PRPS2: variants seen among roughly 807,000 people sequenced by gnomAD.
PRPS2 encodes the protein ribose-phosphate pyrophosphokinase 2.
For missense variants in PRPS2, 104 were observed against 271.5 expected (o/e 0.38, Z 4.34); for synonymous variants, 111 against 115.3 (o/e 0.96, Z 0.24).
rs773079000 is a variant in PRPS2, at chrX:12,820,731, C to T, written c.792C>T (p.Ala264=). 6.6e-6 allele frequency: 8 copies of T among 1,209,471 alleles called. No homozygotes were observed. Among genetic ancestry groups the T allele is most frequent in the Non-Finnish European group, 8.9e-6 (8 of 895,135 alleles). Residue 264 remains alanine, a synonymous_variant, in exon 6 of 7, where the codon GCC becomes GCT. Transcript: ENST00000380668. ...SGPAISRINN[A]AFEAVVVTNT... Reference sequence around the variant, plus strand: ...CAGCTATTTCCAGAATAAATAATGCCGCCTTTGAGGCTGTTGTCGTCACAA... The same window carrying T: ...CAGCTATTTCCAGAATAAATAATGCTGCCTTTGAGGCTGTTGTCGTCACAA...
intron 4 of PRPS2, among the ~76,000 whole-genome samples, chrX:12,818,366 C>CAAAAAAAAAAA: frequency 1.6e-5 from 1 of 62,908 alleles, no homozygotes; most frequent in Non-Finnish European, 3.0e-5. Context: ...GAAACTGTCT[C>CAAAAAAAAAAA]AAAAAAAAAA....
At chrX:12,816,139 G>A (rs937996010) in intron 4 of PRPS2, among the ~76,000 whole-genome samples, 1 of 111,747 alleles carries the variant, frequency 8.9e-6, no homozygotes, top group African/African-American at 3.3e-5. Flanking sequence ...AGTGTTCTAA[G>A]GGTAGGAGAA....
chrX:12,822,331 C>T (rs1014987966), intron 6 of PRPS2, among the ~76,000 whole-genome samples: 1 of 112,336 alleles, frequency 8.9e-6, no homozygotes, highest in Non-Finnish European at 1.9e-5. Flanking sequence ...CACAGTTGTG[C>T]TCTTAAATGA....
At position 12,791,850 on chromosome X, in the gene PRPS2, C is replaced by G. The variant is rs1177256902; in HGVS notation, c.122+231C>G. Among the ~76,000 whole-genome samples, 4 of 112,359 alleles carry G rather than the reference C, an allele frequency of 3.6e-5. No homozygotes were observed. In the East Asian group the frequency reaches 8.5e-4, roughly 24 times the overall value. On this transcript the variant is annotated intron_variant, in intron 1 of 6. Coordinates refer to ENST00000380668, the MANE Select transcript of PRPS2 (RefSeq NM_002765.5). ...CTCGGCTGTGCCCCCGGTTGCAGGG[C>G]CTCCGGTCCTGGGACCGCGGCGACC... is the stretch of plus-strand genomic sequence containing the variant.
At chrX:12,809,602 T>C (rs915158332) in intron 3 of PRPS2, among the ~76,000 whole-genome samples, 1 of 112,191 alleles carries the variant, frequency 8.9e-6, no homozygotes, top group African/African-American at 3.2e-5. Context: ...ACGGCAGTCA[T>C]AATGTACACT....
chrX:12,804,678 G>A (rs1490095125), intron 2 of PRPS2, among the ~76,000 whole-genome samples: 4 of 111,172 alleles, frequency 3.6e-5, no homozygotes, highest in Admixed American at 1.9e-4. Flanking sequence ...AAGCATGATT[G>A]GGGTGGGGGG....
At chrX:12,810,612 G>A (rs1279887479) in intron 4 of PRPS2, among the ~76,000 whole-genome samples, 1 of 111,392 alleles carries the variant, frequency 9.0e-6, no homozygotes, top group African/African-American at 3.3e-5. Context: ...CCATGTCCAG[G>A]TGGCTTGGGG....
intron 4 of PRPS2, among the ~76,000 whole-genome samples, chrX:12,816,092 T>C (rs949516610): frequency 8.9e-6 from 1 of 111,882 alleles, no homozygotes; most frequent in Non-Finnish European, 1.9e-5. Context: ...GTGGTTTTGG[T>C]TGCATCCTGA....
chrX:12,810,862 A>G (rs986506297), intron 4 of PRPS2, among the ~76,000 whole-genome samples: 8 of 109,950 alleles, frequency 7.3e-5, no homozygotes, highest in Non-Finnish European at 1.1e-4. Flanking sequence ...AAAAAAAAAA[A>G]AAGAAGAAGA....
chrX:12,820,243 A>G (rs1172953300), intron 5 of PRPS2, among the ~76,000 whole-genome samples: 1 of 112,488 alleles, frequency 8.9e-6, no homozygotes, highest in African/African-American at 3.2e-5. Flanking sequence ...ATGTTTGGCT[A>G]TATTGGTTTA....
intron 2 of PRPS2, among the ~76,000 whole-genome samples, chrX:12,800,656 C>T (rs1292888829): frequency 9.0e-5 from 10 of 111,682 alleles, no homozygotes; most frequent in Admixed American, 8.6e-4. Context: ...AAAGGTTTTC[C>T]CCAATATGCT....
chrX:12,820,640 A>G lies in PRPS2; in HGVS notation c.705-4A>G, dbSNP rs190285503. The G allele has an allele frequency of 8.3e-7, 1 of 1,203,991 alleles. No homozygotes were observed. Among genetic ancestry groups the G allele is most frequent in the East Asian group, 3.0e-5 (1 of 33,594 alleles). On this transcript the variant is annotated splice_region_variant and splice_polypyrimidine_tract_variant and intron_variant, in intron 5 of 6. Transcript: ENST00000380668. ...CTTAATTTTTATCTTCTGCTGTTCTACAGGCTGCTGTCAGCTGGAGCCACC... is the reference window on the plus strand; with the variant it reads ...CTTAATTTTTATCTTCTGCTGTTCTGCAGGCTGCTGTCAGCTGGAGCCACC...
intron 3 of PRPS2, 75 bp downstream of exon 3, chrX:12,809,407 G>T: frequency 9.8e-7 from 1 of 1,017,768 alleles, no homozygotes; most frequent in South Asian, 2.1e-5. Context: ...CATTACTTGT[G>T]TTTGAGTTTA....
At chrX:12,817,468 T>A (rs1302609438) in intron 4 of PRPS2, among the ~76,000 whole-genome samples, 94 of 67,101 alleles carry the variant, frequency 1.4e-3, no homozygotes, top group Middle Eastern at 9.5e-3. Context: ...ATGTTCCTCA[T>A]AAAAAAAAAA....
intron 1 of PRPS2, among the ~76,000 whole-genome samples, chrX:12,793,060 AT>A (rs768091903): frequency 8.9e-6 from 1 of 112,243 alleles, no homozygotes; most frequent in African/African-American, 3.2e-5. Context: ...GTCTGAGAGG[AT>A]GGTCTAGGGC....
intron 6 of PRPS2, among the ~76,000 whole-genome samples, chrX:12,821,099 C>T (rs2042673371): frequency 8.9e-6 from 1 of 112,032 alleles, no homozygotes; most frequent in Admixed American, 9.5e-5. Flanking sequence ...CCAATAATTC[C>T]ACCCCTAGGT....
chrX:12,807,458 C>T (rs2042599327), intron 2 of PRPS2, among the ~76,000 whole-genome samples: 1 of 112,490 alleles, frequency 8.9e-6, no homozygotes, highest in Non-Finnish European at 1.9e-5. Context: ...AAATCAGGTT[C>T]TATTACAAAG....
At chrX:12,811,583 C>G (rs1347852899) in intron 4 of PRPS2, among the ~76,000 whole-genome samples, 3 of 111,516 alleles carry the variant, frequency 2.7e-5, no homozygotes, top group East Asian at 2.8e-4. Flanking sequence ...TTCTACCCCC[C>G]AGTCCAGTGA....
chrX:12,822,867 T>C lies in PRPS2; in HGVS notation c.*71T>C. On this transcript the variant is annotated 3_prime_UTR_variant, in exon 7 of 7. Coordinates refer to ENST00000380668, the MANE Select transcript of PRPS2 (RefSeq NM_002765.5). Reference sequence around the variant, plus strand: ...TGTTTTTGTTTTCTGGATTTTTAGCTGTAGGTATTCAGCAATGATAGGTTA... The same window carrying C: ...TGTTTTTGTTTTCTGGATTTTTAGCCGTAGGTATTCAGCAATGATAGGTTA... 1 of 873,195 alleles carries C rather than the reference T, an allele frequency of 1.1e-6. No individual in the cohort carries two copies. Among genetic ancestry groups the C allele is most frequent in the Non-Finnish European group, 1.7e-6 (1 of 595,523 alleles). The allele number at this position is 873,195 out of a possible 1,213,427, so 72.0% of individuals were successfully genotyped here.
Sources: gnomAD v4.1 joint callset for allele counts (sites outside exome capture counted in the v4.1 genomes callset) on GRCh38, gnomAD v4.1.1 for gene constraint, MANE v1.5 for transcripts, NCBI Gene and HGNC (gene_info 2026-07-23, HGNC 2026-07-21) for gene names.